STAG3: variants seen among roughly 807,000 people sequenced by gnomAD.
STAG3 encodes cohesin subunit SA-3.
Under a neutral mutation model 160.7 loss-of-function variants are expected in STAG3, and 101 were observed. The observed-to-expected ratio is 0.63, with a 90% CI of 0.54 to 0.74. The LOEUF is 0.74. Among genes scored for constraint, STAG3 ranks in the 30% least tolerant of loss-of-function variants. The pLI, the probability that STAG3 is intolerant of heterozygous loss-of-function variation, is 0.00. For synonymous variants in STAG3, 519 were observed against 585.0 expected (o/e 0.89, Z 1.63); for missense variants, 1,188 against 1,517.4 (o/e 0.78, Z 3.61).
chr7:100,215,234 C>T (rs1802653079), downstream of STAG3: 1 of 152,256 alleles, frequency 6.6e-6, no homozygotes, highest in African/African-American at 2.4e-5. Flanking sequence ...TCACTGTGGT[C>T]TCCTAGGTCA....
At chr7:100,179,747 T>G (rs1459998999) in intron 1 of STAG3, among the ~76,000 whole-genome samples, 1 of 152,144 alleles carries the variant, frequency 6.6e-6, no homozygotes, top group East Asian at 1.9e-4. Flanking sequence ...TTTATTTATT[T>G]ATTTTGAGAT....
chr7:100,210,091 G>C (rs998893100), intron 29 of STAG3, among the ~76,000 whole-genome samples: 4 of 152,176 alleles, frequency 2.6e-5, no homozygotes, highest in Admixed American at 1.3e-4. Flanking sequence ...ATGGAGAAGA[G>C]GAGAGACTCA....
chr7:100,205,096 T>C lies in STAG3; in HGVS notation c.3043T>C (p.Phe1015Leu), dbSNP rs1372633489. 3.7e-6 allele frequency: 6 copies of C among 1,613,974 alleles called. No homozygotes were observed. The East Asian group carries it at 1.1e-4, about 30-fold the overall frequency. ...NLAFLELLSE[F>L]SPRLFHQDKQ... ...GGCATTCCTGGAGCTCCTTTCAGAG[T>C]TTTCCCCCCGACTCTTCCATCAGGA... Residue 1015 changes from phenylalanine to leucine, a missense_variant, in exon 28 of 34, where the codon TTT becomes CTT. Around this residue, in one of 4 missense-constraint regions of STAG3, gnomAD observed 647 missense variants for 717.2 expected, o/e 0.90. Coordinates refer to ENST00000615138, the MANE Select transcript of STAG3 (RefSeq NM_001282717.2).
chr7:100,185,797 C>T (rs188572730), intron 4 of STAG3, among the ~76,000 whole-genome samples: 20 of 152,162 alleles, frequency 1.3e-4, no homozygotes, highest in East Asian at 7.7e-4. Context: ...TCTATCTGCC[C>T]GGTAGGTTTA....
At position 100,188,910 on chromosome 7, in the gene STAG3, G is replaced by A. The variant is rs529634941; in HGVS notation, c.609G>A (p.Gln203=). 7 of 1,614,200 alleles carry A rather than the reference G, an allele frequency of 4.3e-6. No individual in the cohort carries two copies. Among genetic ancestry groups the A allele is most frequent in the Non-Finnish European group, 5.9e-6 (7 of 1,180,038 alleles). The part of the protein sequence containing the change: ...EFVRTLVCQC[Q]YSLLYDGFPM... ...TGAGGACATTGGTCTGTCAGTGCCA[G>A]TACAGCCTCCTCTATGATGGCTTCC... is the stretch of plus-strand genomic sequence containing the variant. The change falls in exon 7 of 34, where the codon CAG becomes CAA. Residue 203 remains glutamine (Q), a synonymous_variant. Coordinates refer to ENST00000615138, the MANE Select transcript of STAG3 (RefSeq NM_001282717.2).
At chr7:100,191,371 G>C (rs754598620) in intron 8 of STAG3, among the ~76,000 whole-genome samples, 9 of 152,096 alleles carry the variant, frequency 5.9e-5, no homozygotes, top group Non-Finnish European at 1.2e-4. Context: ...TTTCCAAATT[G>C]TTAGAAACAT....
At chr7:100,218,800 T>C (rs995921054), downstream of STAG3, 91 of 235,620 alleles carry the variant, frequency 3.9e-4, no homozygotes, top group Non-Finnish European at 1.4e-4. Flanking sequence ...CTTTAGAGCC[T>C]TCCCTCGGGA....
rs377261984 is a variant in STAG3 at position 100,200,944 on chromosome 7, A to G, written c.2036A>G (p.Gln679Arg). 1.2e-6 allele frequency: 2 copies of G among 1,614,222 alleles called. No homozygotes were observed. The highest frequency in any genetic ancestry group is 1.7e-6 in the Non-Finnish European group (2 of 1,180,034). ...GTAGATTTGCTGACTGACCGCTTCC[A>G]GCAGGAGCTTGAAGAGCTGTTACAG... ...QLVDLLTDRFQQELEELLQSS... is the reference protein window; with the variant it reads ...QLVDLLTDRFRQELEELLQSS... The change falls in exon 19 of 34, where the codon CAG becomes CGG. Residue 679 changes from glutamine (Q) to arginine (R), a missense_variant. Gln to Arg is a conservative substitution (Grantham distance 43). Coordinates refer to ENST00000615138, the MANE Select transcript of STAG3 (RefSeq NM_001282717.2).
intron 9 of STAG3, among the ~76,000 whole-genome samples, chr7:100,196,214 G>A (rs1419962155): frequency 6.6e-6 from 1 of 152,016 alleles, no homozygotes. Flanking sequence ...GAGCCTTTCA[G>A]CTGATGTAAC....
rs772464960 is a variant in STAG3 at position 100,201,166 on chromosome 7, T to C, written c.2132+6T>C. ...CGCCTCTCTGCCTTCTACAAGTGAG[T>C]GGCTTTCCTCCTCTTCCCCATCCCG... On this transcript the variant is annotated splice_donor_region_variant and intron_variant, in intron 20 of 33. Coordinates refer to ENST00000615138, the MANE Select transcript of STAG3 (RefSeq NM_001282717.2). The C allele has an allele frequency of 2.2e-5, 36 of 1,614,068 alleles. No individual in the cohort carries two copies. Among genetic ancestry groups the C allele is most frequent in the Non-Finnish European group, 3.4e-6 (4 of 1,180,034 alleles).
At chr7:100,182,358 CAAA>C (rs548211372) in intron 3 of STAG3, among the ~76,000 whole-genome samples, 166 bp downstream of exon 3, 2 of 97,974 alleles carry the variant, frequency 2.0e-5, no homozygotes, top group Admixed American at 1.1e-4. Flanking sequence ...GACTCCGTCT[CAAA>C]AAAAAAAAAA....
intron 5 of STAG3, 58 bp from the exon 6 acceptor site, chr7:100,188,395 A>G: frequency 8.7e-7 from 1 of 1,149,632 alleles, no homozygotes; most frequent in Non-Finnish European, 1.3e-6. Context: ...TATATCTGTA[A>G]ATGATCAAAG....
chr7:100,205,701 G>A (rs1209367106), intron 29 of STAG3, among the ~76,000 whole-genome samples: 1 of 151,764 alleles, frequency 6.6e-6, no homozygotes, highest in Non-Finnish European at 1.5e-5. Context: ...ATGGTGGCGC[G>A]CATCTGTAAT....
intron 32 of STAG3, 115 bp from the exon 33 acceptor site, chr7:100,213,620 G>A: frequency 4.5e-6 from 7 of 1,552,700 alleles, no homozygotes; most frequent in Non-Finnish European, 6.1e-6. Flanking sequence ...GTGCCATAGG[G>A]GCCTGCTGTG....
intron 8 of STAG3, among the ~76,000 whole-genome samples, chr7:100,193,405 C>G (rs763117411): frequency 6.6e-6 from 1 of 152,184 alleles, no homozygotes; most frequent in Non-Finnish European, 1.5e-5. Context: ...TCCTCAATAG[C>G]TGCGAAAATC....
downstream of STAG3, chr7:100,215,117 T>C (rs1196381826): frequency 6.6e-6 from 1 of 152,206 alleles, no homozygotes; most frequent in Admixed American, 6.5e-5. Context: ...GTTGTCATTT[T>C]GTACTTTCAC....
intron 8 of STAG3, among the ~76,000 whole-genome samples, chr7:100,194,204 A>C (rs1049667565): frequency 2.4e-4 from 37 of 152,202 alleles, no homozygotes; most frequent in Non-Finnish European, 1.5e-4. Context: ...TTGGCCACCC[A>C]AAGTGCTGGG....
At chr7:100,211,631 C>T (rs1343160664) in intron 31 of STAG3, 92 bp downstream of exon 31, 5 of 1,475,426 alleles carry the variant, frequency 3.4e-6, no homozygotes, top group Non-Finnish European at 4.7e-6. Context: ...TCTGTGGGTG[C>T]TTTTTGGACT....
chr7:100,178,781 C>G (rs1414311634), intron 1 of STAG3, among the ~76,000 whole-genome samples: 1 of 151,778 alleles, frequency 6.6e-6, no homozygotes, highest in East Asian at 1.9e-4. Flanking sequence ...TGTCTGTAAT[C>G]CCTTGGTGCT....
Sources: allele counts gnomAD v4.1 joint callset (sites outside exome capture counted in the v4.1 genomes callset), GRCh38; gene constraint gnomAD v4.1.1; regional missense constraint gnomAD v4.1.1; transcripts MANE v1.5; gene names NCBI Gene and HGNC (gene_info 2026-07-23, HGNC 2026-07-21).